The following HS6ST3 variants were observed in gnomAD, a reference collection of about 807,000 sequenced individuals.
The protein encoded by HS6ST3 is heparan sulfate 6-O-sulfotransferase 3.
A neutral mutation model predicts 36.7 loss-of-function variants in HS6ST3; 12 were observed. The ratio of observed to expected loss-of-function variants is 0.33; its 90% CI spans 0.21 to 0.53. The LOEUF (loss-of-function observed/expected upper bound fraction) is 0.53, where lower values mean the gene tolerates loss of function less well. Among genes scored for constraint, HS6ST3 ranks in the 20% least tolerant of loss-of-function variants. The probability of loss-of-function intolerance (pLI) is 0.95; values close to 1 mark genes in which losing one functional copy is unlikely to be tolerated. For missense variants in HS6ST3, 584 were observed against 640.9 expected (o/e 0.91, Z 0.96); for synonymous variants, 240 against 257.5 (o/e 0.93, Z 0.65).
intron 1 of HS6ST3, among the ~76,000 whole-genome samples, chr13:96,805,571 G>T (rs1177648200): frequency 6.6e-6 from 1 of 152,192 alleles, no homozygotes; most frequent in Non-Finnish European, 1.5e-5. Flanking sequence ...TATTTACTAT[G>T]TGCCAAGCAC....
At chr13:96,261,755 G>A (rs1347882217) in intron 1 of HS6ST3, among the ~76,000 whole-genome samples, 4 of 152,222 alleles carry the variant, frequency 2.6e-5, no homozygotes, top group Non-Finnish European at 5.9e-5. Flanking sequence ...AAGATAGAAT[G>A]TGTAGAGGCT....
intron 1 of HS6ST3, among the ~76,000 whole-genome samples, chr13:96,294,014 G>A (rs2054842679): frequency 1.3e-5 from 2 of 152,080 alleles, no homozygotes; most frequent in Admixed American, 1.3e-4. Context: ...TTAGGGAGCC[G>A]ATAATAGGAC....
chr13:96,792,052 A>T (rs941570197), intron 1 of HS6ST3, among the ~76,000 whole-genome samples: 3 of 152,104 alleles, frequency 2.0e-5, no homozygotes, highest in Non-Finnish European at 4.4e-5. Context: ...GAGTGTATAT[A>T]TTAAACACAT....
chr13:96,588,852 C>A (rs1396267264), intron 1 of HS6ST3, among the ~76,000 whole-genome samples: 2 of 151,866 alleles, frequency 1.3e-5, no homozygotes, highest in African/African-American at 4.8e-5. Flanking sequence ...GAATTCGAGA[C>A]CAGCCTGGCC....
chr13:96,612,173 A>T (rs2056459192), intron 1 of HS6ST3, among the ~76,000 whole-genome samples: 1 of 152,150 alleles, frequency 6.6e-6, no homozygotes, highest in African/African-American at 2.4e-5. Context: ...GATTAGGAAG[A>T]TGTTACTGAA....
At chr13:96,768,481 C>A (rs1236975249) in intron 1 of HS6ST3, among the ~76,000 whole-genome samples, 1 of 152,116 alleles carries the variant, frequency 6.6e-6, no homozygotes, top group Admixed American at 6.5e-5. Context: ...CTAGGTTTTT[C>A]TTCCTTTCTC....
intron 1 of HS6ST3, among the ~76,000 whole-genome samples, chr13:96,659,697 AT>A (rs1433873493): frequency 1.3e-5 from 2 of 151,990 alleles, no homozygotes; most frequent in African/African-American, 2.4e-5. Flanking sequence ...GGCAATGTTC[AT>A]TTTTTTGGTC....
intron 1 of HS6ST3, among the ~76,000 whole-genome samples, chr13:96,396,589 C>A (rs1404455762): frequency 6.6e-6 from 1 of 152,062 alleles, no homozygotes; most frequent in Non-Finnish European, 1.5e-5. Context: ...TGCAGAGTCA[C>A]CTTTTCCCAT....
chr13:96,800,064 C>A (rs1364967468), intron 1 of HS6ST3, among the ~76,000 whole-genome samples: 1 of 143,668 alleles, frequency 7.0e-6, no homozygotes, highest in East Asian at 2.0e-4. Context: ...ATTACAGCCG[C>A]CTAGTAGAGA....
intron 1 of HS6ST3, among the ~76,000 whole-genome samples, chr13:96,266,161 T>C (rs990192200): frequency 2.0e-5 from 3 of 152,186 alleles, no homozygotes; most frequent in Non-Finnish European, 4.4e-5. Flanking sequence ...GTAGTTGATA[T>C]GTTGAATCAT....
At chr13:96,342,873 G>A (rs747214856) in intron 1 of HS6ST3, among the ~76,000 whole-genome samples, 1 of 152,144 alleles carries the variant, frequency 6.6e-6, no homozygotes, top group African/African-American at 2.4e-5. Flanking sequence ...TGACTCATTT[G>A]GAGATAGCAG....
intron 1 of HS6ST3, among the ~76,000 whole-genome samples, chr13:96,401,461 G>A (rs1363457845): frequency 3.3e-5 from 5 of 152,230 alleles, no homozygotes. Context: ...TAGGCAGACA[G>A]CATCTGAATG....
chr13:96,810,143 G>A (rs1026081157), intron 1 of HS6ST3, among the ~76,000 whole-genome samples: 2 of 152,204 alleles, frequency 1.3e-5, no homozygotes, highest in Non-Finnish European at 2.9e-5. Context: ...GCCGCTGTGA[G>A]GCACCCCAGC....
chr13:96,395,658 A>C (rs1481843243), intron 1 of HS6ST3, among the ~76,000 whole-genome samples: 2 of 152,116 alleles, frequency 1.3e-5, no homozygotes, highest in Non-Finnish European at 2.9e-5. Context: ...TAGGAAAACT[A>C]TTTTGGGGGG....
intron 1 of HS6ST3, among the ~76,000 whole-genome samples, chr13:96,400,603 G>T (rs1419426686): frequency 2.0e-5 from 3 of 152,076 alleles, no homozygotes; most frequent in Non-Finnish European, 4.4e-5. Context: ...CTTTGAACAG[G>T]AGCATATCAG....
chr13:96,408,163 C>A (rs763431253), intron 1 of HS6ST3, among the ~76,000 whole-genome samples: 1 of 152,126 alleles, frequency 6.6e-6, no homozygotes, highest in Non-Finnish European at 1.5e-5. Context: ...TGGTCTCAAT[C>A]TCTTGACCTG....
At chr13:96,210,674 A>C (rs2054394597) in intron 1 of HS6ST3, among the ~76,000 whole-genome samples, 2 of 149,424 alleles carry the variant, frequency 1.3e-5, no homozygotes, top group African/African-American at 4.9e-5. Context: ...GCTTACTGGA[A>C]CCTCTGCTTC....
chr13:96,178,683 G>A (rs1279012946), intron 1 of HS6ST3, among the ~76,000 whole-genome samples: 1 of 152,092 alleles, frequency 6.6e-6, no homozygotes, highest in Non-Finnish European at 1.5e-5. Flanking sequence ...GAATCTCTCT[G>A]TTTCTAAGCA....
At chr13:96,312,265 A>G (rs904380047) in intron 1 of HS6ST3, among the ~76,000 whole-genome samples, 5 of 152,052 alleles carry the variant, frequency 3.3e-5, no homozygotes, top group Non-Finnish European at 5.9e-5. Flanking sequence ...GTATTTTCCA[A>G]TTTGCGTTAT....
Sources: gnomAD v4.1 joint callset for allele counts (sites outside exome capture counted in the v4.1 genomes callset) on GRCh38, gnomAD v4.1.1 for gene constraint, MANE v1.5 for transcripts, NCBI Gene and HGNC (gene_info 2026-07-23, HGNC 2026-07-21) for gene names.